Variants in YWHAE observed in about 807,000 individuals in gnomAD.
YWHAE encodes the protein tyrosine 3-monooxygenase/tryptophan 5-monooxygenase activation protein epsilon.
In YWHAE, 4 loss-of-function variants were observed where a neutral mutation model predicts 30.1. The ratio of observed to expected loss-of-function variants is 0.13; its 90% CI spans 0.07 to 0.30. The LOEUF is 0.30. Among genes scored for constraint, YWHAE ranks in the 10% least tolerant of loss-of-function variants. YWHAE has a pLI of 1.00. For synonymous variants in YWHAE, 118 were observed against 111.8 expected, an observed-to-expected ratio of 1.06 and a Z score of -0.35; for missense variants, 121 against 315.9, an observed-to-expected ratio of 0.38 and a Z score of 4.68.
rs141523678 is a variant in YWHAE, at chr17:1,354,732, G to A, written c.579-385C>T. Among the ~76,000 whole-genome samples, 313 of 151,992 alleles carry A rather than the reference G, an allele frequency of 2.1e-3. 3 individuals are homozygous for A. The highest frequency in any genetic ancestry group is 7.4e-3 in the African/African-American group (305 of 41,486). ...GGCTGGAGTGCAGTGGCGTGATCTC[G>A]GCTCACTGCAAGCTTCGCCTCTCAG... On this transcript the variant is annotated intron_variant, in intron 4 of 5. Coordinates refer to ENST00000264335, the MANE Select transcript of YWHAE (RefSeq NM_006761.5).
intron 5 of YWHAE, among the ~76,000 whole-genome samples, chr17:1,352,775 A>G (rs559415842): frequency 6.6e-6 from 1 of 151,974 alleles, no homozygotes; most frequent in African/African-American, 2.4e-5. Context: ...TCCACCCGCC[A>G]TGGCGTCCCA....
intron 1 of YWHAE, among the ~76,000 whole-genome samples, chr17:1,369,973 C>T (rs184359039): frequency 1.3e-5 from 2 of 152,144 alleles, no homozygotes; most frequent in African/African-American, 4.8e-5. Context: ...ATGTTGATGG[C>T]TACTGACTGC....
At chr17:1,385,424 C>T (rs764236198) in intron 1 of YWHAE, among the ~76,000 whole-genome samples, 4 of 152,120 alleles carry the variant, frequency 2.6e-5, no homozygotes, top group African/African-American at 4.8e-5. Flanking sequence ...AAAAAGTACA[C>T]CATACTGCAA....
In YWHAE at chr17:1,395,695, G is replaced by A. The variant is rs181428785; in HGVS notation, c.64+4352C>T. Among the ~76,000 whole-genome samples the A allele has an allele frequency of 1.1e-4, 16 of 152,256 alleles. No individual in the cohort carries two copies. The East Asian group carries it at 1.2e-3, about 11-fold the overall frequency. On this transcript the variant is annotated intron_variant, in intron 1 of 5. Transcript: ENST00000264335. Reference sequence around the variant, plus strand: ...AAATACTTCTAAACTTATTAACAACGTTAATTTACTACTACCTATTTTTTT... The same window carrying A: ...AAATACTTCTAAACTTATTAACAACATTAATTTACTACTACCTATTTTTTT...
rs998036214 is a variant in YWHAE at position 1,368,994 on chromosome 17, A to G, written c.65-3936T>C. 6.4e-4 allele frequency among the ~76,000 whole-genome samples: 98 copies of G among 152,338 alleles called. 1 individual carries two copies. The highest frequency in any genetic ancestry group is 2.0e-3 in the African/African-American group (83 of 41,580). ...TTTCTGTGCTTTACAAATTTTCAAC[A>G]ACGAAGACTTAGTATTTTTATAATG... On this transcript the variant is annotated intron_variant, in intron 1 of 5. Transcript: ENST00000264335.
chr17:1,388,101 GTTTTTTTTTTTGGTTGGTTTTTTTTTT>G (rs1404727793), intron 1 of YWHAE, among the ~76,000 whole-genome samples: 2 of 62,358 alleles, frequency 3.2e-5, no homozygotes, highest in Non-Finnish European at 5.5e-5. Flanking sequence ...GGTAATTTTT[GTTTTTTTTTTTGGTTGGTTTTTTTTTT>G]TTTTTTTTTT....
At chr17:1,365,641 C>T (rs992297317) in intron 1 of YWHAE, among the ~76,000 whole-genome samples, 1 of 152,152 alleles carries the variant, frequency 6.6e-6, no homozygotes, top group African/African-American at 2.4e-5. Flanking sequence ...CCCAGAAAAG[C>T]CTTGGCATCT....
intron 4 of YWHAE, among the ~76,000 whole-genome samples, chr17:1,356,352 G>C (rs1041623476): frequency 6.6e-6 from 1 of 152,162 alleles, no homozygotes; most frequent in African/African-American, 2.4e-5. Context: ...CTGGGCAAGA[G>C]AGCACAAAAA....
chr17:1,374,009 T>C (rs904925202), intron 1 of YWHAE, among the ~76,000 whole-genome samples: 1 of 152,142 alleles, frequency 6.6e-6, no homozygotes, highest in African/African-American at 2.4e-5. Flanking sequence ...TGTATGGATA[T>C]ACTATGCTTT....
At position 1,356,171 on chromosome 17, in the gene YWHAE, AACACACACACACACACACAC is replaced by A. The variant is rs71148473; in HGVS notation, c.579-1844_579-1825del. Among the ~76,000 whole-genome samples the A allele has an allele frequency of 1.3e-3, 190 of 142,976 alleles. 1 individual carries two copies. In the East Asian group the frequency reaches 0.02, roughly 15 times the overall value. 93.8% of individuals were successfully genotyped at this position (142,976 alleles called of 152,430 possible). On this transcript the variant is annotated intron_variant, in intron 4 of 5. Transcript: ENST00000264335. The stretch of plus-strand genomic sequence containing the variant: ...GCAACAGAGCAAGACTCCGTCTAAA[AACACACACACACACACACAC>A]ACACACACACACACACACACACACA...
chr17:1,363,563 C>A (rs1247714574), intron 2 of YWHAE, among the ~76,000 whole-genome samples: 1 of 152,164 alleles, frequency 6.6e-6, no homozygotes, highest in East Asian at 1.9e-4. Flanking sequence ...CCACGGAAGG[C>A]CCCAGCTCAC....
intron 1 of YWHAE, among the ~76,000 whole-genome samples, chr17:1,386,194 C>T (rs1038283573): frequency 6.6e-6 from 1 of 152,128 alleles, no homozygotes; most frequent in African/African-American, 2.4e-5. Flanking sequence ...CAATGAAACA[C>T]TTTAAAGAGG....
At chr17:1,384,704 G>A (rs140670706) in intron 1 of YWHAE, among the ~76,000 whole-genome samples, 2,496 of 151,872 alleles carry the variant, frequency 0.016, 58 homozygotes, top group African/African-American at 0.058. Context: ...TGGGATTAAA[G>A]GAGTGAGCCA....
chr17:1,370,463 G>A (rs1281170122), intron 1 of YWHAE, among the ~76,000 whole-genome samples: 1 of 151,712 alleles, frequency 6.6e-6, no homozygotes, highest in Non-Finnish European at 1.5e-5. Flanking sequence ...TTTTGAGACA[G>A]TGTCTTGCTC....
chr17:1,372,994 C>A (rs1435067224), intron 1 of YWHAE, among the ~76,000 whole-genome samples: 2 of 151,650 alleles, frequency 1.3e-5, no homozygotes, highest in African/African-American at 4.8e-5. Flanking sequence ...GTAATCCCAG[C>A]ACTTTGGGAG....
At chr17:1,356,125 C>T (rs1484614644) in intron 4 of YWHAE, among the ~76,000 whole-genome samples, 4 of 151,794 alleles carry the variant, frequency 2.6e-5, no homozygotes, top group East Asian at 1.9e-4. Flanking sequence ...GCCGAGATCA[C>T]GCCACTGCAG....
At position 1,384,563 on chromosome 17, in the gene YWHAE, G is replaced by C. The variant is rs191218279; in HGVS notation, c.64+15484C>G. On this transcript the variant is annotated intron_variant, in intron 1 of 5. Coordinates refer to ENST00000264335, the MANE Select transcript of YWHAE (RefSeq NM_006761.5). ...AAAAAATTAGCCAGGCATGGTGGCAGGCACCTGTACTCCCAGCTACTCAGG... is the reference window on the plus strand; with the variant it reads ...AAAAAATTAGCCAGGCATGGTGGCACGCACCTGTACTCCCAGCTACTCAGG... Among the ~76,000 whole-genome samples the C allele has an allele frequency of 1.3e-4, 19 of 151,962 alleles. No homozygotes were observed. The East Asian group carries it at 2.5e-3, about 20-fold the overall frequency.
At chr17:1,357,479 C>CT (rs1256491097) in intron 4 of YWHAE, among the ~76,000 whole-genome samples, 1 of 151,376 alleles carries the variant, frequency 6.6e-6, no homozygotes, top group African/African-American at 2.4e-5. Flanking sequence ...ACTTGGGAGG[C>CT]TGAGGCGAGA....
intron 1 of YWHAE, among the ~76,000 whole-genome samples, chr17:1,392,850 CAA>C (rs545119578): frequency 1.6e-5 from 2 of 128,308 alleles, no homozygotes; most frequent in Admixed American, 7.9e-5. Context: ...AAATCCATCT[CAA>C]AAAAAAAAAA....
Sources: gnomAD v4.1 joint callset for allele counts (sites outside exome capture counted in the v4.1 genomes callset) on GRCh38, gnomAD v4.1.1 for gene constraint, MANE v1.5 for transcripts, NCBI Gene and HGNC (gene_info 2026-07-23, HGNC 2026-07-21) for gene names.